The following CYP3A5 variants were observed in gnomAD, a reference collection of about 807,000 sequenced individuals.
CYP3A5 encodes cytochrome P450 family 3 subfamily A member 5, also known as cytochrome P450 3A5.
Under a neutral mutation model 55.9 loss-of-function variants are expected in CYP3A5, and 51 were observed. The observed-to-expected ratio is 0.91, with a 90% CI of 0.73 to 1.15. CYP3A5 has a LOEUF of 1.15. CYP3A5 is among the 50% of genes most tolerant of loss of function. The pLI is 0.00. For synonymous variants in CYP3A5, 196 were observed against 213.9 expected (o/e 0.92, Z 0.73); for missense variants, 533 against 596.6 (o/e 0.89, Z 1.11).
rs1365903558 is a variant in CYP3A5 at position 99,653,966 on chromosome 7, G to A, written c.1027-1187C>T. On this transcript the variant is annotated intron_variant, in intron 10 of 12. Transcript: ENST00000222982. This position sits in a 1 kb window ranked among gnomAD's most constrained non-coding sequence, Gnocchi z 4.2. ...TGAGTCAGCCTCCATCGCGCCCCCA[G>A]GGCCAGGCTACCTCAGACCATAGCC... Among the ~76,000 whole-genome samples the A allele has an allele frequency of 6.6e-6, 1 of 152,170 alleles. No homozygotes were observed. The highest frequency in any genetic ancestry group is 2.1e-4 in the South Asian group (1 of 4,832).
chr7:99,659,577 G>A (rs1810176027), intron 10 of CYP3A5: 2 of 153,170 alleles, frequency 1.3e-5, no homozygotes, highest in Non-Finnish European at 2.9e-5. Flanking sequence ...CTGTGTGCTG[G>A]GAGAACCACT....
chr7:99,672,010 G>A, intron 4 of CYP3A5: 1 of 582,860 alleles, frequency 1.7e-6, no homozygotes, highest in Non-Finnish European at 3.0e-6. Flanking sequence ...ATAGTATTAG[G>A]TTGGTGCAAA....
At chr7:99,679,069 A>G (rs1584484007) in intron 1 of CYP3A5, among the ~76,000 whole-genome samples, 2 of 152,230 alleles carry the variant, frequency 1.3e-5, no homozygotes, top group Non-Finnish European at 2.9e-5. Context: ...ACAAAGCTCT[A>G]TATTAATCCT....
rs754697109 is a variant in CYP3A5, at chr7:99,671,907, A to G, written c.318+673T>C. 48 of 700,008 alleles carry G rather than the reference A, an allele frequency of 6.9e-5. No individual in the cohort carries two copies. The Middle Eastern group carries it at 6.9e-4, about 10-fold the overall frequency. 43.4% of individuals were successfully genotyped at this position (700,008 alleles called of 1,614,324 possible). On this transcript the variant is annotated intron_variant, in intron 4 of 12. Coordinates refer to ENST00000222982, the MANE Select transcript of CYP3A5 (RefSeq NM_000777.5). ...CGAATGTGAAAAATTGCTTAGAACTACCCACACACATAAACACACACAAAC... is the reference window on the plus strand; with the variant it reads ...CGAATGTGAAAAATTGCTTAGAACTGCCCACACACATAAACACACACAAAC...
intron 11 of CYP3A5, among the ~76,000 whole-genome samples, chr7:99,652,052 G>C (rs953332817): frequency 6.6e-6 from 1 of 152,020 alleles, no homozygotes; most frequent in African/African-American, 2.4e-5. Context: ...TAAAGTTTCT[G>C]TTAAATTCAG....
At position 99,652,751 on chromosome 7, in the gene CYP3A5, T is replaced by C; in HGVS notation, c.1055A>G (p.Gln352Arg). Reference sequence around the variant, plus strand: ...CACCACCATGTCAAGGTACTCCATCTGTACCACGGCATCATAGGTAGGTGG... The same window carrying C: ...CACCACCATGTCAAGGTACTCCATCCGTACCACGGCATCATAGGTAGGTGG... ...KAPPTYDAVV[Q>R]MEYLDMVVNE... is the part of the protein sequence containing the mutation. The change falls in exon 11 of 13, where the codon CAG becomes CGG. Residue 352 changes from glutamine to arginine, a missense_variant. Gln to Arg is a conservative substitution (Grantham distance 43). Transcript: ENST00000222982. 3 of 1,613,878 alleles carry C rather than the reference T, an allele frequency of 1.9e-6. No individual in the cohort carries two copies. Among genetic ancestry groups the C allele is most frequent in the Non-Finnish European group, 2.5e-6 (3 of 1,179,952 alleles).
In CYP3A5 at chr7:99,679,829, T is replaced by C. The variant is rs1812667577; in HGVS notation, c.68A>G (p.Tyr23Cys). ...AGGAGTTTGGACAGTTACTCACAGA[T>C]AGAGGAGCACCAGGCTGACAGCCAG... is the stretch of plus-strand genomic sequence containing the variant. ...LLLAVSLVLL[Y>C]LYGTRTHGLF... The change falls in exon 1 of 13, where the codon TAT becomes TGT. Residue 23 changes from tyrosine to cysteine, a missense_variant. Physicochemically the swap from Tyr to Cys is radical, Grantham distance 194. Coordinates refer to ENST00000222982, the MANE Select transcript of CYP3A5 (RefSeq NM_000777.5). 2 of 1,613,948 alleles carry C rather than the reference T, an allele frequency of 1.2e-6. No homozygotes were observed. The highest frequency in any genetic ancestry group is 3.3e-5 in the Admixed American group (2 of 60,004).
chr7:99,650,306 T>C (rs1375193175), intron 11 of CYP3A5, 74 bp from the exon 12 acceptor site: 16 of 1,434,910 alleles, frequency 1.1e-5, no homozygotes, highest in Non-Finnish European at 1.6e-5. Context: ...GGGTTCTTAC[T>C]TAAGAACAAC....
intron 9 of CYP3A5, among the ~76,000 whole-genome samples, chr7:99,660,954 A>G (rs1317277324): frequency 1.3e-5 from 2 of 152,212 alleles, no homozygotes; most frequent in Non-Finnish European, 2.9e-5. Flanking sequence ...TCTGTCTTAC[A>G]TACTCAGTGT....
At chr7:99,672,802 C>T in intron 3 of CYP3A5, 123 bp from the exon 4 acceptor site, 1 of 1,531,392 alleles carries the variant, frequency 6.5e-7, no homozygotes, top group Non-Finnish European at 8.8e-7. Flanking sequence ...GTACGACACA[C>T]AGCAACCTTA....
rs1208837159 is a variant in CYP3A5, at chr7:99,650,349, A to G, written c.1254-117T>C. ...CACCTCCCAACCAGTAGTACACAGG[A>G]TACTTTTGTGGGCTGGTCATTGAAA... On this transcript the variant is annotated intron_variant, in intron 11 of 12. Coordinates refer to ENST00000222982, the MANE Select transcript of CYP3A5 (RefSeq NM_000777.5). The G allele has an allele frequency of 3.3e-6, 3 of 915,320 alleles. No homozygotes were observed. The African/African-American group carries it at 5.0e-5, about 15-fold the overall frequency. The allele number at this position is 915,320 out of a possible 1,614,324, so 56.7% of individuals were successfully genotyped here. A position where few individuals can be genotyped will look rare whatever the true frequency, so the allele number is the denominator to read the frequency against.
rs1465490765 is a variant in CYP3A5 at position 99,650,172 on chromosome 7, G to A, written c.1314C>T (p.Pro438=). The A allele has an allele frequency of 6.2e-7, 1 of 1,614,142 alleles. No homozygotes were observed. The highest frequency in any genetic ancestry group is 1.1e-5 in the South Asian group (1 of 91,070). Residue 438 remains proline, a synonymous_variant, in exon 12 of 13, where the codon CCC becomes CCT. Transcript: ENST00000222982. ...PYIYTPFGTG[P]RNCIGMRFAL... ...CAAACCTCATGCCAATGCAGTTTCT[G>A]GGTCCAGTTCCAAAGGGTGTGTATA...
At chr7:99,674,502 T>G in intron 3 of CYP3A5, 31 bp downstream of exon 3, 1 of 1,589,384 alleles carries the variant, frequency 6.3e-7, no homozygotes, top group Non-Finnish European at 8.6e-7. Flanking sequence ...CAGTAGCAGG[T>G]CTATCCAATG....
intron 4 of CYP3A5, chr7:99,671,314 G>T: frequency 6.6e-6 from 1 of 152,592 alleles, no homozygotes; most frequent in Non-Finnish European, 1.5e-5. Flanking sequence ...GGAAAGGCAA[G>T]GGACAAGAAA....
chr7:99,660,693 A>T, intron 9 of CYP3A5, 34 bp from the exon 10 acceptor site: 1 of 1,610,356 alleles, frequency 6.2e-7, no homozygotes, highest in Non-Finnish European at 8.5e-7. Flanking sequence ...TAGGTAAATC[A>T]GGTCAACGTA....
intron 10 of CYP3A5, 96 bp downstream of exon 10, chr7:99,660,403 T>C: frequency 6.7e-7 from 1 of 1,486,056 alleles, no homozygotes; most frequent in Non-Finnish European, 8.9e-7. Context: ...GAATCAGTGA[T>C]TATGCTTTTT....
At position 99,648,332 on chromosome 7, in the gene CYP3A5, T is replaced by G. The variant is rs1472534330; in HGVS notation, c.1482A>C (p.Ser494=). 6.2e-7 allele frequency: 1 copy of G among 1,613,200 alleles called. No individual in the cohort carries two copies. The highest frequency in any genetic ancestry group is 1.7e-5 in the Admixed American group (1 of 59,992). The part of the protein sequence containing the change: ...PEKPIVLKVD[S]RDGTLSGE ...ATTCTCCACTTAGGGTTCCATCTCT[T>G]GAATCCACCTTTAGAACAATGGGTT... The change falls in exon 13 of 13, where the codon TCA becomes TCC. Residue 494 remains serine (S), a synonymous_variant. Transcript: ENST00000222982.
chr7:99,667,702 T>C (rs1811177910), intron 4 of CYP3A5, among the ~76,000 whole-genome samples: 1 of 152,232 alleles, frequency 6.6e-6, no homozygotes, highest in African/African-American at 2.4e-5. Context: ...AACTTTCTCT[T>C]ATCTTCCACA....
chr7:99,663,866 C>G, intron 8 of CYP3A5, 102 bp downstream of exon 8: 1 of 1,448,000 alleles, frequency 6.9e-7, no homozygotes, highest in Non-Finnish European at 9.0e-7. Flanking sequence ...CATAAGTTCT[C>G]TGTCTTTATT....
Sources: allele counts gnomAD v4.1 joint callset (sites outside exome capture counted in the v4.1 genomes callset), GRCh38; gene constraint gnomAD v4.1.1; non-coding constraint Gnocchi (gnomAD v3.1); transcripts MANE v1.5; gene names NCBI Gene and HGNC (gene_info 2026-07-23, HGNC 2026-07-21).